Variants in ABL2 observed in about 807,000 individuals in gnomAD.
ABL2 encodes tyrosine-protein kinase ABL2.
In ABL2, 49 loss-of-function variants were observed where a neutral mutation model predicts 107.7. That is an observed-to-expected ratio of 0.45 (90% CI 0.36 to 0.58). ABL2 has a LOEUF of 0.58. Among genes scored for constraint, ABL2 ranks in the 20% least tolerant of loss-of-function variants. The pLI is 0.00. For missense variants in ABL2, 1,245 were observed against 1,457.0 expected, an observed-to-expected ratio of 0.85 and a Z score of 2.37; for synonymous variants, 549 against 548.6, an observed-to-expected ratio of 1.00 and a Z score of -0.01.
intron 1 of ABL2, among the ~76,000 whole-genome samples, chr1:179,191,413 C>CTTTTTTTTTTT (rs35362624): frequency 1.3e-5 from 1 of 77,168 alleles, no homozygotes; most frequent in Non-Finnish European, 2.3e-5. Flanking sequence ...TATGAAATCC[C>CTTTTTTTTTTT]TTTTTTTTTT....
At chr1:179,113,265 C>T (rs1213184788) in intron 9 of ABL2, among the ~76,000 whole-genome samples, 1 of 152,146 alleles carries the variant, frequency 6.6e-6, no homozygotes, top group Non-Finnish European at 1.5e-5. Context: ...GCTCCTATTC[C>T]CTCTAATAAA....
chr1:179,122,663 CTT>C (rs1036603355), intron 4 of ABL2, among the ~76,000 whole-genome samples: 8 of 149,516 alleles, frequency 5.4e-5, no homozygotes, highest in Non-Finnish European at 4.5e-5. Context: ...TTCTTTTTTT[CTT>C]TTTTTTGAGA....
At chr1:179,133,655 T>A (rs1656566772) in intron 1 of ABL2, among the ~76,000 whole-genome samples, 1 of 152,222 alleles carries the variant, frequency 6.6e-6, no homozygotes, top group Admixed American at 6.5e-5. Context: ...CTTGTAATAC[T>A]CAGCTCCAAT....
At chr1:179,124,155 G>A (rs935759099) in intron 4 of ABL2, among the ~76,000 whole-genome samples, 1 of 151,660 alleles carries the variant, frequency 6.6e-6, no homozygotes, top group Non-Finnish European at 1.5e-5. Flanking sequence ...GCAGGAGAAC[G>A]GCGTGAACCT....
intron 6 of ABL2, among the ~76,000 whole-genome samples, chr1:179,119,700 GTTTTTAAT>G (rs1346434449): frequency 6.6e-6 from 1 of 152,120 alleles, no homozygotes; most frequent in Non-Finnish European, 1.5e-5. Context: ...TGTGGTCACA[GTTTTTAAT>G]TTGCTTCTTT....
intron 1 of ABL2, among the ~76,000 whole-genome samples, chr1:179,209,355 G>A (rs28991590): frequency 0.026 from 3,889 of 152,122 alleles, 129 homozygotes; most frequent in Admixed American, 0.065. Flanking sequence ...ACTTCTACAC[G>A]CTGTCCACTC....
intron 4 of ABL2, among the ~76,000 whole-genome samples, chr1:179,123,274 G>C (rs1404265319): frequency 1.3e-5 from 2 of 152,134 alleles, no homozygotes; most frequent in Non-Finnish European, 2.9e-5. Flanking sequence ...GGGAGGCTGA[G>C]GTGGGCAGGT....
At chr1:179,193,273 A>C (rs1661120617) in intron 1 of ABL2, among the ~76,000 whole-genome samples, 1 of 152,244 alleles carries the variant, frequency 6.6e-6, no homozygotes, top group Non-Finnish European at 1.5e-5. Context: ...AAATCACACA[A>C]AATTTCTAAA....
At chr1:179,113,034 T>C (rs1196669211) in intron 9 of ABL2, among the ~76,000 whole-genome samples, 1 of 152,126 alleles carries the variant, frequency 6.6e-6, no homozygotes, top group East Asian at 1.9e-4. Flanking sequence ...GATTACAGGC[T>C]TGAGCCACTG....
chr1:179,222,379 G>A lies in ABL2; in HGVS notation c.157+6862C>T, dbSNP rs372174053. On this transcript the variant is annotated intron_variant, in intron 1 of 11. Transcript: ENST00000502732. Reference sequence around the variant, plus strand: ...TGAGTAGCTGGGATTACAGGTGCCCGCCACCATGCCTGGCTAATTTTTTTT... The same window carrying A: ...TGAGTAGCTGGGATTACAGGTGCCCACCACCATGCCTGGCTAATTTTTTTT... 4.4e-4 allele frequency among the ~76,000 whole-genome samples: 67 copies of A among 151,948 alleles called. No homozygotes were observed. The East Asian group carries it at 9.7e-3, about 22-fold the overall frequency.
In ABL2 at chr1:179,229,391, G is replaced by T; in HGVS notation, c.7C>A (p.Gln3Lys). ...GCTTCCCCGACGCGGCCCACCTGCT[G>T]CCCCATCCCTGCTCTCGCGTACTCC... MG[Q>K]QVGRVGEAPG... Residue 3 changes from glutamine (Q) to lysine (K), a missense_variant, in exon 1 of 12, where the codon CAG (glutamine) becomes AAG (lysine). By Grantham distance (53) the Gln-to-Lys change is moderately conservative (BLOSUM62 1). Coordinates refer to ENST00000502732, the MANE Select transcript of ABL2 (RefSeq NM_007314.4). 6.5e-7 allele frequency: 1 copy of T among 1,539,312 alleles called. No homozygotes were observed. The highest frequency in any genetic ancestry group is 1.2e-5 in the South Asian group (1 of 80,970).
intron 1 of ABL2, among the ~76,000 whole-genome samples, chr1:179,148,196 C>A (rs1006339493): frequency 6.6e-6 from 1 of 151,886 alleles, no homozygotes; most frequent in Non-Finnish European, 1.5e-5. Flanking sequence ...GTGCCATCAC[C>A]CCCGGCTAAT....
intron 1 of ABL2, chr1:179,196,608 A>C (rs1661321168): frequency 6.6e-6 from 1 of 152,200 alleles, no homozygotes; most frequent in African/African-American, 2.4e-5. Context: ...AGAAATACAA[A>C]AACTAGCCGG....
At chr1:179,117,290 A>AT in intron 8 of ABL2, 42 bp downstream of exon 8, 1 of 1,590,256 alleles carries the variant, frequency 6.3e-7, no homozygotes, top group Non-Finnish European at 8.6e-7. Context: ...TTTATAAAAA[A>AT]AAAAATAAAA....
intron 1 of ABL2, among the ~76,000 whole-genome samples, chr1:179,206,045 G>A (rs1661953544): frequency 6.6e-6 from 1 of 152,140 alleles, no homozygotes; most frequent in African/African-American, 2.4e-5. Flanking sequence ...TTACAGGGAT[G>A]TTGAATAACA....
chr1:179,197,677 T>C (rs1277328031), intron 1 of ABL2, among the ~76,000 whole-genome samples: 1 of 152,000 alleles, frequency 6.6e-6, no homozygotes, highest in Non-Finnish European at 1.5e-5. Flanking sequence ...GAGACTACCT[T>C]GATCAATATG....
In ABL2 at chr1:179,135,686, C is replaced by T. The variant is rs1474855951; in HGVS notation, c.158-2312G>A. ...CCCCCGCCTGGCCAGCCGCCCCATC[C>T]GGGAGGTGAGGGGTGCCTCTGCCCG... On this transcript the variant is annotated intron_variant, in intron 1 of 11. Coordinates refer to ENST00000502732, the MANE Select transcript of ABL2 (RefSeq NM_007314.4). Among the ~76,000 whole-genome samples the T allele has an allele frequency of 9.4e-4, 138 of 146,080 alleles. 1 individual carries two copies. The highest frequency in any genetic ancestry group is 3.3e-3 in the African/African-American group (130 of 39,236).
chr1:179,122,051 T>A (rs1164436791), intron 4 of ABL2, among the ~76,000 whole-genome samples, 184 bp from the exon 5 acceptor site: 1 of 149,710 alleles, frequency 6.7e-6, no homozygotes, highest in Non-Finnish European at 1.5e-5. Flanking sequence ...TCAGCCTCTC[T>A]GAGTAGGTGG....
At chr1:179,141,632 C>A (rs957843531) in intron 1 of ABL2, among the ~76,000 whole-genome samples, 1 of 152,186 alleles carries the variant, frequency 6.6e-6, no homozygotes, top group Non-Finnish European at 1.5e-5. Context: ...ATTCCCCATT[C>A]CCCTTCTTCC....
Sources: gnomAD v4.1 joint callset for allele counts (sites outside exome capture counted in the v4.1 genomes callset) on GRCh38, gnomAD v4.1.1 for gene constraint, MANE v1.5 for transcripts, NCBI Gene and HGNC (gene_info 2026-07-23, HGNC 2026-07-21) for gene names.